AATF: variants seen among roughly 807,000 people sequenced by gnomAD.
AATF encodes protein AATF.
In AATF, 48 loss-of-function variants were observed where a neutral mutation model predicts 63.7. The observed-to-expected ratio is 0.75, with a 90% CI of 0.60 to 0.96. The LOEUF (loss-of-function observed/expected upper bound fraction) is 0.96. AATF is among the 40% of genes least tolerant of loss of function. The pLI, the probability that AATF is intolerant of heterozygous loss-of-function variation, is 0.00. For synonymous variants in AATF, 258 were observed against 247.7 expected, an observed-to-expected ratio of 1.04 and a Z score of -0.39; for missense variants, 639 against 685.7, an observed-to-expected ratio of 0.93 and a Z score of 0.76.
chr17:36,973,758 C>A (rs553723700), intron 4 of AATF, among the ~76,000 whole-genome samples: 1 of 152,076 alleles, frequency 6.6e-6, no homozygotes, highest in Non-Finnish European at 1.5e-5. Context: ...AATATGTATT[C>A]CTTATATAAA....
At position 37,024,827 on chromosome 17, in the gene AATF, C is replaced by T. The variant is rs113009506; in HGVS notation, c.1547+3813C>T. Among the ~76,000 whole-genome samples, 225 of 152,120 alleles carry T rather than the reference C, an allele frequency of 1.5e-3. 1 individual carries two copies. Among genetic ancestry groups the T allele is most frequent in the African/African-American group, 5.3e-3 (219 of 41,488 alleles). On this transcript the variant is annotated intron_variant, in intron 10 of 11. Coordinates refer to ENST00000619387, the MANE Select transcript of AATF (RefSeq NM_012138.4). ...TACAAAAATTAGCCAGGTATGGTAG[C>T]ATGTGCCTGTAGTCCCAGCTACTCG...
chr17:37,056,371 T>C, intron 11 of AATF: 1 of 527,390 alleles, frequency 1.9e-6, no homozygotes, highest in Non-Finnish European at 3.4e-6. Flanking sequence ...GAACACTCAT[T>C]CCCTGGAGAC....
At chr17:37,014,436 C>G (rs1010365666) in intron 8 of AATF, among the ~76,000 whole-genome samples, 1 of 151,996 alleles carries the variant, frequency 6.6e-6, no homozygotes, top group Non-Finnish European at 1.5e-5. Flanking sequence ...ATATGTAGGG[C>G]GACTGTATAA....
At chr17:37,014,977 C>T (rs1188649791) in intron 8 of AATF, among the ~76,000 whole-genome samples, 1 of 152,148 alleles carries the variant, frequency 6.6e-6, no homozygotes. Context: ...CCCTCTCCCA[C>T]TCTTGGGATA....
At chr17:37,053,518 C>T (rs1241016491) in intron 11 of AATF, among the ~76,000 whole-genome samples, 1 of 152,042 alleles carries the variant, frequency 6.6e-6, no homozygotes, top group African/African-American at 2.4e-5. Flanking sequence ...TAGGACAAAA[C>T]TCTGTAGGGA....
At chr17:36,961,971 G>A (rs1299046865) in intron 4 of AATF, among the ~76,000 whole-genome samples, 5 of 152,052 alleles carry the variant, frequency 3.3e-5, no homozygotes. Context: ...CACGGTGCTG[G>A]GCCTTGTACA....
intron 11 of AATF, among the ~76,000 whole-genome samples, chr17:37,032,444 T>C (rs1170462523): frequency 6.6e-6 from 1 of 152,232 alleles, no homozygotes; most frequent in Non-Finnish European, 1.5e-5. Flanking sequence ...CACAAGAAGA[T>C]GTTTAATGCT....
chr17:36,988,605 T>C lies in AATF; in HGVS notation c.1034T>C (p.Met345Thr). 1 of 1,614,162 alleles carries C rather than the reference T, an allele frequency of 6.2e-7. No individual in the cohort carries two copies. ...GTCCCTGCAAAGAGGAAGCTGGAGA[T>C]GGAGGACTATCCCAGCTTCATGGCA... is the stretch of plus-strand genomic sequence containing the variant. ...RRVPAKRKLEMEDYPSFMAKR... is the reference protein window; with the variant it reads ...RRVPAKRKLETEDYPSFMAKR... Residue 345 changes from methionine to threonine, a missense_variant, in exon 6 of 12, where the codon ATG becomes ACG. Physicochemically the swap from Met to Thr is moderately conservative, Grantham distance 81. Transcript: ENST00000619387.
At chr17:36,998,224 A>G (rs1157529388) in intron 8 of AATF, among the ~76,000 whole-genome samples, 2 of 137,862 alleles carry the variant, frequency 1.5e-5, no homozygotes, top group African/African-American at 6.8e-5. Context: ...AACTTATGGA[A>G]AAAAAAAATG....
chr17:37,014,909 T>C (rs981690840), intron 8 of AATF, among the ~76,000 whole-genome samples: 4 of 152,226 alleles, frequency 2.6e-5, no homozygotes, highest in Admixed American at 1.3e-4. Flanking sequence ...ATTTTCTGTT[T>C]AGTGTTTAAT....
intron 4 of AATF, among the ~76,000 whole-genome samples, chr17:36,975,946 TA>T (rs1421326494): frequency 3.9e-5 from 6 of 152,238 alleles, no homozygotes; most frequent in Admixed American, 3.3e-4. Flanking sequence ...ATCCATTTGT[TA>T]ACATTCTTCT....
chr17:36,949,268 G>T, intron 1 of AATF, 52 bp downstream of exon 1: 6 of 1,506,100 alleles, frequency 4.0e-6, no homozygotes, highest in Non-Finnish European at 5.4e-6. Context: ...CAGGCCCTGT[G>T]GGGCAAGGGG....
chr17:36,983,249 T>C (rs2142240638), intron 4 of AATF, among the ~76,000 whole-genome samples: 2 of 152,206 alleles, frequency 1.3e-5, no homozygotes, highest in South Asian at 4.2e-4. Context: ...TCCTACATTG[T>C]CCGGGCTGGT....
At chr17:36,994,157 T>A (rs1465613669) in intron 8 of AATF, among the ~76,000 whole-genome samples, 2 of 152,170 alleles carry the variant, frequency 1.3e-5, no homozygotes, top group African/African-American at 4.8e-5. Flanking sequence ...CCGTCTGACA[T>A]CATATAGTAA....
chr17:37,040,186 C>T (rs954676793), intron 11 of AATF, among the ~76,000 whole-genome samples: 4 of 152,042 alleles, frequency 2.6e-5, no homozygotes, highest in Non-Finnish European at 5.9e-5. Context: ...ACTTGCAAGC[C>T]GGTAGGCAAT....
At position 36,988,618 on chromosome 17, in the gene AATF, C is replaced by T; in HGVS notation, c.1047C>T (p.Pro349=). 1 of 1,614,134 alleles carries T rather than the reference C, an allele frequency of 6.2e-7. No homozygotes were observed. Among genetic ancestry groups the T allele is most frequent in the Non-Finnish European group, 8.5e-7 (1 of 1,180,022 alleles). The change falls in exon 6 of 12, where the codon CCC becomes CCT. Residue 349 remains proline, a synonymous_variant. Coordinates refer to ENST00000619387, the MANE Select transcript of AATF (RefSeq NM_012138.4). ...GGAAGCTGGAGATGGAGGACTATCC[C>T]AGCTTCATGGCAAAGCGCTTTGCCG... The part of the protein sequence containing the change: ...AKRKLEMEDY[P]SFMAKRFADF...
At chr17:36,978,865 T>C (rs1339109559) in intron 4 of AATF, among the ~76,000 whole-genome samples, 2 of 151,814 alleles carry the variant, frequency 1.3e-5, no homozygotes, top group African/African-American at 2.4e-5. Context: ...TTCGGAATTA[T>C]GATACAGTGG....
chr17:36,949,295 G>A, intron 1 of AATF, 79 bp downstream of exon 1: 7 of 1,371,858 alleles, frequency 5.1e-6, no homozygotes, highest in Non-Finnish European at 6.9e-6. Flanking sequence ...TGGGAGGGGC[G>A]TGCGCGAGGC....
intron 11 of AATF, among the ~76,000 whole-genome samples, chr17:37,039,539 G>A (rs1292058881): frequency 2.6e-5 from 4 of 152,114 alleles, no homozygotes; most frequent in East Asian, 1.9e-4. Context: ...GCATTAACTC[G>A]GATTGACATA....
Sources: gnomAD v4.1 joint callset for allele counts (sites outside exome capture counted in the v4.1 genomes callset) on GRCh38, gnomAD v4.1.1 for gene constraint, MANE v1.5 for transcripts, NCBI Gene and HGNC (gene_info 2026-07-23, HGNC 2026-07-21) for gene names.